The following PTPRG variants were observed in gnomAD, a reference collection of about 807,000 sequenced individuals.
The protein encoded by PTPRG is protein tyrosine phosphatase receptor type G, also known as receptor-type tyrosine-protein phosphatase gamma.
A neutral mutation model predicts 165.3 loss-of-function variants in PTPRG; 102 were observed. The observed-to-expected ratio is 0.62, with a 90% CI of 0.53 to 0.73. The LOEUF (loss-of-function observed/expected upper bound fraction) is 0.73. PTPRG is among the 30% of genes least tolerant of loss of function. The probability of loss-of-function intolerance (pLI) is 0.00; values close to 1 mark genes in which losing one functional copy is unlikely to be tolerated. For synonymous variants in PTPRG, 675 were observed against 669.5 expected (o/e 1.01, Z -0.13); for missense variants, 1,866 against 1,861.4 (o/e 1.00, Z -0.05).
intron 1 of PTPRG, among the ~76,000 whole-genome samples, chr3:61,706,705 G>A (rs2031277486): frequency 6.6e-6 from 1 of 151,848 alleles, no homozygotes; most frequent in Non-Finnish European, 1.5e-5. Flanking sequence ...GGCCAGGCTG[G>A]TCTCGAACTC....
At chr3:61,887,170 A>ATATATATATATAATT (rs60282456) in intron 2 of PTPRG, among the ~76,000 whole-genome samples, 1 of 115,524 alleles carries the variant, frequency 8.7e-6, no homozygotes, top group African/African-American at 3.3e-5. Context: ...ATATATATAT[A>ATATATATATATAATT]TTTTTAATGC....
chr3:62,187,002 C>T lies in PTPRG; in HGVS notation c.1034-4467C>T, dbSNP rs527899543. ...CAGGACCTGTGGACCACGGGAAAGA[C>T]TAAGGCTGTTACTCCATATACAACC... is the stretch of plus-strand genomic sequence containing the variant. On this transcript the variant is annotated intron_variant, in intron 8 of 29. Transcript: ENST00000474889. Among the ~76,000 whole-genome samples the T allele has an allele frequency of 5.3e-5, 8 of 152,348 alleles. No homozygotes were observed. In the South Asian group the frequency reaches 1.4e-3, roughly 28 times the overall value.
At chr3:61,577,641 A>C (rs1313456923) in intron 1 of PTPRG, among the ~76,000 whole-genome samples, 1 of 152,226 alleles carries the variant, frequency 6.6e-6, no homozygotes, top group Non-Finnish European at 1.5e-5. Flanking sequence ...GACTACCATA[A>C]AATTTTAAAT....
chr3:61,618,306 A>G (rs1397913019), intron 1 of PTPRG, among the ~76,000 whole-genome samples: 1 of 152,220 alleles, frequency 6.6e-6, no homozygotes, highest in Non-Finnish European at 1.5e-5. Flanking sequence ...ATATCCATTA[A>G]GAAACTGGTA....
At chr3:62,047,387 G>A (rs1700329789) in intron 4 of PTPRG, among the ~76,000 whole-genome samples, 1 of 152,084 alleles carries the variant, frequency 6.6e-6, no homozygotes, top group Non-Finnish European at 1.5e-5. Context: ...AGCTTCCCAA[G>A]TAGCTGAGAC....
rs551232656 is a variant in PTPRG at position 62,185,517 on chromosome 3, C to T, written c.1034-5952C>T. ...TTTTAGACCAGTAGAAAACTCACCT[C>T]GCCTTGGGGGCCAGAGAGCTGCCGG... On this transcript the variant is annotated intron_variant, in intron 8 of 29. Transcript: ENST00000474889. Among the ~76,000 whole-genome samples, 6 of 152,178 alleles carry T rather than the reference C, an allele frequency of 3.9e-5. No homozygotes were observed. In the South Asian group the frequency reaches 6.2e-4, roughly 16 times the overall value.
intron 4 of PTPRG, among the ~76,000 whole-genome samples, chr3:62,042,812 G>A (rs1464929683): frequency 2.0e-5 from 3 of 152,154 alleles, no homozygotes; most frequent in Non-Finnish European, 4.4e-5. Flanking sequence ...CAGCATTTGG[G>A]TGTTCAGTAA....
At chr3:61,753,601 T>TTTTTTTTG (rs774438510) in intron 2 of PTPRG, 177 of 441,418 alleles carry the variant, frequency 4.0e-4, no homozygotes, top group Middle Eastern at 9.3e-4. Context: ...TTTTTTTTTT[T>TTTTTTTTG]GGAGATTGGA....
In PTPRG at chr3:61,780,185, T is replaced by C. The variant is rs547677598; in HGVS notation, c.190+31203T>C. On this transcript the variant is annotated intron_variant, in intron 2 of 29. Coordinates refer to ENST00000474889, the MANE Select transcript of PTPRG (RefSeq NM_002841.4). The stretch of plus-strand genomic sequence containing the variant: ...AAAGTCAGCGTTACTATATAAAGTT[T>C]AATCAAGTGATGACAAGTTACTTGA... Among the ~76,000 whole-genome samples, 17 of 152,352 alleles carry C rather than the reference T, an allele frequency of 1.1e-4. No individual in the cohort carries two copies. The South Asian group carries it at 3.5e-3, about 32-fold the overall frequency.
At chr3:61,654,700 A>G (rs1024079441) in intron 1 of PTPRG, among the ~76,000 whole-genome samples, 9 of 149,740 alleles carry the variant, frequency 6.0e-5, no homozygotes, top group African/African-American at 2.0e-4. Context: ...ATATAATTCT[A>G]TCCTGCTTTC....
At chr3:61,602,521 A>G (rs890925463) in intron 1 of PTPRG, among the ~76,000 whole-genome samples, 1 of 152,212 alleles carries the variant, frequency 6.6e-6, no homozygotes, top group Non-Finnish European at 1.5e-5. Context: ...TTACGCCTGT[A>G]TTGGTTAAAA....
At chr3:62,065,111 C>G (rs1002839280) in intron 4 of PTPRG, among the ~76,000 whole-genome samples, 1 of 151,944 alleles carries the variant, frequency 6.6e-6, no homozygotes, top group African/African-American at 2.4e-5. Context: ...TCCAGTGTTA[C>G]GAATGGTATA....
At chr3:62,188,943 T>TC (rs534083394) in intron 8 of PTPRG, among the ~76,000 whole-genome samples, 1 of 152,004 alleles carries the variant, frequency 6.6e-6, no homozygotes, top group Non-Finnish European at 1.5e-5. Context: ...TCCTGATCTT[T>TC]CCCCCGCCTC....
intron 13 of PTPRG, among the ~76,000 whole-genome samples, chr3:62,223,095 A>G (rs1373004652): frequency 6.6e-6 from 1 of 152,056 alleles, no homozygotes. Flanking sequence ...CTGCAAGCAG[A>G]TAATGTGGCT....
At chr3:61,576,206 T>G (rs967073043) in intron 1 of PTPRG, among the ~76,000 whole-genome samples, 6 of 152,194 alleles carry the variant, frequency 3.9e-5, no homozygotes, top group African/African-American at 1.2e-4. Context: ...TTGTTTGTTT[T>G]TTTGACAGAG....
intron 4 of PTPRG, among the ~76,000 whole-genome samples, chr3:62,042,383 T>C (rs1227064287): frequency 6.6e-6 from 1 of 152,228 alleles, no homozygotes; most frequent in Non-Finnish European, 1.5e-5. Flanking sequence ...AGACCAGATA[T>C]TTCTACAGCG....
At chr3:62,074,939 G>C (rs577874911) in intron 4 of PTPRG, among the ~76,000 whole-genome samples, 2 of 152,124 alleles carry the variant, frequency 1.3e-5, no homozygotes, top group Non-Finnish European at 2.9e-5. Flanking sequence ...TTCAATTCAC[G>C]CATGTCCAAT....
chr3:62,235,743 T>C (rs542754278), intron 14 of PTPRG, among the ~76,000 whole-genome samples: 1 of 152,344 alleles, frequency 6.6e-6, no homozygotes, highest in South Asian at 2.1e-4. Flanking sequence ...CCTATTCATG[T>C]GAAATCCAAA....
rs142568884 is a variant in PTPRG, at chr3:62,227,389, G to A, written c.2289-3836G>A. 4.4e-4 allele frequency among the ~76,000 whole-genome samples: 67 copies of A among 152,336 alleles called. No homozygotes were observed. The East Asian group carries it at 7.3e-3, about 17-fold the overall frequency. ...CTCACATACAGGTAACTGTGAAGAC[G>A]TAGGAAAGGGGAAACACCCCTGTTA... On this transcript the variant is annotated intron_variant, in intron 13 of 29. Transcript: ENST00000474889.
Sources: gnomAD v4.1 joint callset for allele counts (sites outside exome capture counted in the v4.1 genomes callset) on GRCh38, gnomAD v4.1.1 for gene constraint, MANE v1.5 for transcripts, NCBI Gene and HGNC (gene_info 2026-07-23, HGNC 2026-07-21) for gene names.